Variants in SPACA6 observed in about 807,000 individuals in gnomAD.
SPACA6 encodes sperm acrosome associated 6.
For synonymous variants in SPACA6, 6 were observed against 1.5 expected (o/e 4.05, Z -2.21); for missense variants, 8 against 2.8 (o/e 2.88, Z -1.34).
intron 2 of SPACA6, among the ~76,000 whole-genome samples, chr19:51,698,618 G>A (rs2083446833): frequency 6.6e-6 from 1 of 152,130 alleles, no homozygotes; most frequent in Non-Finnish European, 1.5e-5. Flanking sequence ...AGACCACTGG[G>A]TCCTCATTTG....
Position 51,693,443 on chromosome 19 carries a change from GA to G in SPACA6, c.-83del. The G allele has an allele frequency of 1.7e-6, 1 of 588,538 alleles. No homozygotes were observed. The highest frequency in any genetic ancestry group is 2.8e-5 in the East Asian group (1 of 35,416). 36.5% of individuals were successfully genotyped at this position (588,538 alleles called of 1,614,324 possible). On this transcript the variant is annotated 5_prime_UTR_variant, in exon 1 of 9. It removes the in-frame stop codon of an upstream open reading frame in the 5' UTR. Transcript: ENST00000637797. ...GACCACCAACTGAAACCTGACCTCT[GA>G]CCCCAGACCACTGGCCCTTCCCCCG...
rs2083493597 is a variant in SPACA6, at chr19:51,704,134, C to G, written c.678C>G (p.Cys226Trp). 1 of 401,056 alleles carries G rather than the reference C, an allele frequency of 2.5e-6. No individual in the cohort carries two copies. Among genetic ancestry groups the G allele is most frequent in the Non-Finnish European group, 4.4e-6 (1 of 226,208 alleles). 24.8% of individuals were successfully genotyped at this position (401,056 alleles called of 1,614,324 possible). A position where few individuals can be genotyped will look rare whatever the true frequency, so the allele number is the denominator to read the frequency against. The change falls in exon 7 of 9, where the codon TGC (cysteine) becomes TGG (tryptophan). Residue 226 changes from cysteine to tryptophan, a missense_variant. By Grantham distance (215) the Cys-to-Trp change is radical. Coordinates refer to ENST00000637797, the MANE Select transcript of SPACA6 (RefSeq NM_001316972.2). ...AQLTHRGTFS[C>W]VIKQDQRPLA... ...TCACGCACCGCGGGACGTTCTCCTG[C>G]GTGATCAAGCAAGACCAGCGCCCCC... is the stretch of plus-strand genomic sequence containing the variant.
At chr19:51,686,619 A>G (rs2083329553), upstream of SPACA6, 1 of 152,216 alleles carries the variant, frequency 6.6e-6, no homozygotes, top group Non-Finnish European at 1.5e-5. Context: ...TAGAAATAGC[A>G]TATTTTCCCA....
chr19:51,705,624 A>G (rs1386550531), downstream of SPACA6, among the ~76,000 whole-genome samples: 1 of 151,730 alleles, frequency 6.6e-6, no homozygotes, highest in African/African-American at 2.4e-5. Context: ...GGATCACTGG[A>G]GCAGCCCCCC....
Position 51,705,129 on chromosome 19 carries a change from G to C in SPACA6, c.*6G>C, listed in dbSNP as rs978660076. 3.2e-5 allele frequency: 13 copies of C among 401,170 alleles called. No homozygotes were observed. Among genetic ancestry groups the C allele is most frequent in the Non-Finnish European group, 5.7e-5 (13 of 226,282 alleles). 24.9% of individuals were successfully genotyped at this position (401,170 alleles called of 1,614,324 possible). A position where few individuals can be genotyped will look rare whatever the true frequency, so the allele number is the denominator to read the frequency against. On this transcript the variant is annotated 3_prime_UTR_variant, in exon 9 of 9. Coordinates refer to ENST00000637797, the MANE Select transcript of SPACA6 (RefSeq NM_001316972.2). ...GGTACTGCAGTGGCAACTAACAAAG[G>C]TATCTTTCCTCCTTCCCTATCCTAT...
chr19:51,708,043 CT>C (rs1474529586), downstream of SPACA6, among the ~76,000 whole-genome samples: 2 of 152,182 alleles, frequency 1.3e-5, no homozygotes, highest in African/African-American at 4.8e-5. Context: ...GGCATGATTG[CT>C]TATGAACTTA....
upstream of SPACA6, among the ~76,000 whole-genome samples, chr19:51,690,942 C>T (rs1237214139): frequency 2.0e-5 from 3 of 152,154 alleles, no homozygotes; most frequent in East Asian, 1.9e-4. Flanking sequence ...CCTCCCTTCC[C>T]CTTCCTCCCC....
intron 2 of SPACA6, among the ~76,000 whole-genome samples, chr19:51,698,674 C>G (rs189215814): frequency 3.0e-4 from 45 of 152,316 alleles, no homozygotes; most frequent in Non-Finnish European, 5.3e-4. Flanking sequence ...AAGTGTATAT[C>G]CAGTGATCAT....
Position 51,701,720 on chromosome 19 carries a change from A to G in SPACA6, c.355A>G (p.Lys119Glu). ...AATGAAGAAGGTCATTACACAGCTT[A>G]AAGAAGGTAAAATACACTCCATCTC... ...EKMKKVITQL[K>E]EAQACIPPCG... Residue 119 changes from lysine to glutamate, a missense_variant, in exon 3 of 9, where the codon AAA becomes GAA. Lys to Glu is a moderately conservative substitution (Grantham distance 56). Coordinates refer to ENST00000637797, the MANE Select transcript of SPACA6 (RefSeq NM_001316972.2). 2.5e-6 allele frequency: 1 copy of G among 398,808 alleles called. No individual in the cohort carries two copies. The highest frequency in any genetic ancestry group is 4.4e-6 in the Non-Finnish European group (1 of 225,904). 24.7% of individuals were successfully genotyped at this position (398,808 alleles called of 1,614,324 possible).
At chr19:51,700,507 G>T (rs1225648832) in intron 2 of SPACA6, among the ~76,000 whole-genome samples, 1 of 152,110 alleles carries the variant, frequency 6.6e-6, no homozygotes, top group Non-Finnish European at 1.5e-5. Context: ...GTTGGCAACT[G>T]GTTCATTTTC....
Position 51,704,258 on chromosome 19 carries a change from G to GCGCCCCCGCAGTGACGGGCC in SPACA6, c.731-2_748dup. On this transcript the variant is annotated splice_polypyrimidine_tract_variant and intron_variant, in intron 7 of 8. Coordinates refer to ENST00000637797, the MANE Select transcript of SPACA6 (RefSeq NM_001316972.2). Reference sequence around the variant, plus strand: ...TGGGGCTCGTGCCTGGCTGACGTGCGCGCCCCCGCAGTGACGGGCCCGCCC... The same window carrying GCGCCCCCGCAGTGACGGGCC: ...TGGGGCTCGTGCCTGGCTGACGTGCGCGCCCCCGCAGTGACGGGCCCGCCCCCGCAGTGACGGGCCCGCCC... 1 of 400,740 alleles carries GCGCCCCCGCAGTGACGGGCC rather than the reference G, an allele frequency of 2.5e-6. No homozygotes were observed. Among genetic ancestry groups the GCGCCCCCGCAGTGACGGGCC allele is most frequent in the East Asian group, 3.6e-5 (1 of 28,048 alleles). The allele number at this position is 400,740 out of a possible 1,614,324, so 24.8% of individuals were successfully genotyped here.
At chr19:51,682,908 T>C in the SPACA6 span, among the ~76,000 whole-genome samples, 13 of 152,100 alleles carry the variant, frequency 8.5e-5, no homozygotes, top group African/African-American at 3.1e-4. Flanking sequence ...CCAGGCATGG[T>C]GGCAGGTGAC....
chr19:51,693,927 G>T, intron 1 of SPACA6, 187 bp downstream of exon 1: 1 of 389,186 alleles, frequency 2.6e-6, no homozygotes, highest in Non-Finnish European at 4.5e-6. Flanking sequence ...GCAGGGCAAA[G>T]ACTCAGAGAG....
chr19:51,684,528 T>C (rs1345988284), upstream of SPACA6, among the ~76,000 whole-genome samples: 1 of 152,182 alleles, frequency 6.6e-6, no homozygotes, highest in Non-Finnish European at 1.5e-5. Flanking sequence ...GGGGACCCTG[T>C]CTCTACTTCC....
intron 2 of SPACA6, among the ~76,000 whole-genome samples, chr19:51,694,887 CCT>C (rs2083415442): frequency 6.6e-6 from 1 of 152,008 alleles, no homozygotes; most frequent in African/African-American, 2.4e-5. Context: ...TGTCACTGCC[CCT>C]CTCCTGGCCT....
At chr19:51,699,987 C>G (rs1347033125) in intron 2 of SPACA6, among the ~76,000 whole-genome samples, 3 of 152,154 alleles carry the variant, frequency 2.0e-5, no homozygotes, top group African/African-American at 7.2e-5. Context: ...GGCATGGTGG[C>G]CCACACCTGT....
chr19:51,697,342 C>T (rs1246083862), intron 2 of SPACA6, among the ~76,000 whole-genome samples: 2 of 152,132 alleles, frequency 1.3e-5, no homozygotes, highest in African/African-American at 2.4e-5. Context: ...TTGGACCAGT[C>T]ACAGTGGTCC....
intron 8 of SPACA6, 112 bp from the exon 9 acceptor site, chr19:51,704,977 GA>G (rs1383590375): frequency 5.1e-6 from 2 of 390,342 alleles, no homozygotes; most frequent in Non-Finnish European, 9.0e-6. Context: ...TCCTCCCTCA[GA>G]ACCAGGAGTC....
the SPACA6 span, among the ~76,000 whole-genome samples, chr19:51,683,122 C>T: frequency 2.0e-5 from 3 of 152,180 alleles, no homozygotes; most frequent in African/African-American, 4.8e-5. Context: ...ATCAGCAGGA[C>T]CAGCTTCCTC....
Sources: allele counts gnomAD v4.1 joint callset (sites outside exome capture counted in the v4.1 genomes callset), GRCh38; gene constraint gnomAD v4.1.1; transcripts MANE v1.5; gene names NCBI Gene and HGNC (gene_info 2026-07-23, HGNC 2026-07-21).